TSPAN11: variants seen among roughly 807,000 people sequenced by gnomAD.
TSPAN11 encodes the protein tetraspanin 11.
Under a neutral mutation model 32.9 loss-of-function variants are expected in TSPAN11, and 29 were observed. The ratio of observed to expected loss-of-function variants is 0.88; its 90% CI spans 0.66 to 1.20. TSPAN11 has a LOEUF of 1.20. Among genes scored for constraint, TSPAN11 ranks in the 50% most tolerant of loss-of-function variants. TSPAN11 has a pLI of 0.00. For missense variants in TSPAN11, 283 were observed against 329.1 expected (o/e 0.86, Z 1.08); for synonymous variants, 140 against 141.3 (o/e 0.99, Z 0.07).
chr12:30,982,282 G>C (rs1418585584), intron 5 of TSPAN11, among the ~76,000 whole-genome samples: 1 of 152,182 alleles, frequency 6.6e-6, no homozygotes, highest in African/African-American at 2.4e-5. Context: ...CTCCTTAAAG[G>C]ACTTGGGTGG....
In TSPAN11 at chr12:30,960,176, G is replaced by A. The variant is rs184444629; in HGVS notation, c.85-3650G>A. 5.4e-4 allele frequency among the ~76,000 whole-genome samples: 82 copies of A among 151,944 alleles called. 1 individual carries two copies. In the East Asian group the frequency reaches 0.011, roughly 21 times the overall value. On this transcript the variant is annotated intron_variant, in intron 2 of 7. Transcript: ENST00000546076. ...CGGCGCCATGTATGAGACTGAGCAG[G>A]GAGGAGGAGCACAGATGATGAGTGT...
At chr12:30,946,909 T>G (rs904475068) in intron 1 of TSPAN11, among the ~76,000 whole-genome samples, 1 of 152,302 alleles carries the variant, frequency 6.6e-6, no homozygotes. Context: ...CTGCCTTGCC[T>G]GCCCCCTACT....
At chr12:30,941,787 G>A (rs923158221) in intron 1 of TSPAN11, among the ~76,000 whole-genome samples, 16 of 152,346 alleles carry the variant, frequency 1.1e-4, no homozygotes, top group Admixed American at 6.5e-4. Flanking sequence ...CTGCAGTCCC[G>A]CCTGGGGGCA....
intron 1 of TSPAN11, among the ~76,000 whole-genome samples, chr12:30,948,601 A>G (rs1186958701): frequency 6.6e-6 from 1 of 152,150 alleles, no homozygotes; most frequent in African/African-American, 2.4e-5. Context: ...GAGCAGCTGG[A>G]ACACAGGGCA....
chr12:30,978,634 G>C lies in TSPAN11; in HGVS notation c.350G>C (p.Arg117Thr). The part of the protein sequence containing the change: ...AGVLAHVYYQ[R>T]LSDELKQHLN... ...GTCCTGGCCCATGTGTATTACCAGA[G>C]GGTAAGTGACGTTTCCTCCTCCTGC... Residue 117 changes from arginine (R) to threonine (T), a missense_variant and splice_region_variant, in exon 4 of 8, where the codon AGG becomes ACG. Coordinates refer to ENST00000546076, the MANE Select transcript of TSPAN11 (RefSeq NM_001370302.1). The C allele has an allele frequency of 6.2e-7, 1 of 1,614,146 alleles. No homozygotes were observed. The highest frequency in any genetic ancestry group is 8.5e-7 in the Non-Finnish European group (1 of 1,179,984).
intron 1 of TSPAN11, among the ~76,000 whole-genome samples, chr12:30,952,490 A>G (rs1938401353): frequency 6.6e-6 from 1 of 152,250 alleles, no homozygotes; most frequent in South Asian, 2.1e-4. Context: ...TAGCAGTCTT[A>G]AATTACCTTC....
Position 30,982,595 on chromosome 12 carries a change from G to A in TSPAN11, c.520G>A (p.Glu174Lys), listed in dbSNP as rs762034372. Residue 174 changes from glutamate (E) to lysine (K), a missense_variant, in exon 6 of 8, where the codon GAG becomes AAG. Glu to Lys is a moderately conservative substitution (Grantham distance 56, BLOSUM62 1). Coordinates refer to ENST00000546076, the MANE Select transcript of TSPAN11 (RefSeq NM_001370302.1). ...WQHSTYILLR[E>K]AEGRQVPDSC... is the part of the protein sequence containing the mutation. ...GCACAGCACGTACATCCTGTTGCGG[G>A]AGGCCGAGGGCCGCCAGGTGCCCGA... 23 of 1,613,030 alleles carry A rather than the reference G, an allele frequency of 1.4e-5. No individual in the cohort carries two copies. Among genetic ancestry groups the A allele is most frequent in the Non-Finnish European group, 1.9e-5 (22 of 1,179,846 alleles).
chr12:30,990,678 CAG>C (rs1224648630), intron 7 of TSPAN11, among the ~76,000 whole-genome samples: 1 of 152,168 alleles, frequency 6.6e-6, no homozygotes, highest in Non-Finnish European at 1.5e-5. Context: ...AGCTAGCTGT[CAG>C]AGACAGTACA....
At chr12:31,002,395 T>G in the TSPAN11 span, among the ~76,000 whole-genome samples, 1 of 152,142 alleles carries the variant, frequency 6.6e-6, no homozygotes. The surrounding 1 kb of genome is among the most constrained non-coding windows in gnomAD (Gnocchi z 4.8). Flanking sequence ...GACATAGGGT[T>G]TAGCAATGAC....
chr12:30,957,885 T>G, intron 2 of TSPAN11, among the ~76,000 whole-genome samples: 1 of 135,884 alleles, frequency 7.4e-6, no homozygotes, highest in Non-Finnish European at 1.6e-5. Context: ...CCCTCCTTCC[T>G]TCCTTCCTTC....
At chr12:30,982,414 T>C in intron 5 of TSPAN11, 118 bp from the exon 6 acceptor site, 2 of 1,408,030 alleles carry the variant, frequency 1.4e-6, no homozygotes, top group East Asian at 2.3e-5. Flanking sequence ...AAATACTAAC[T>C]AACCATGGTT....
intron 1 of TSPAN11, among the ~76,000 whole-genome samples, chr12:30,948,041 C>T (rs755406611): frequency 6.6e-6 from 1 of 152,158 alleles, no homozygotes; most frequent in East Asian, 1.9e-4. Flanking sequence ...CATGCAAGTC[C>T]AAAATCCAGC....
chr12:30,978,774 A>G (rs1334226727), intron 4 of TSPAN11, 139 bp downstream of exon 4: 2 of 763,228 alleles, frequency 2.6e-6, no homozygotes, highest in Non-Finnish European at 4.5e-6. Context: ...CAATCCCCCT[A>G]CATATCTGCA....
chr12:30,932,341 C>T (rs1051397482), intron 1 of TSPAN11, among the ~76,000 whole-genome samples: 13 of 152,152 alleles, frequency 8.5e-5, no homozygotes, highest in African/African-American at 3.1e-4. Flanking sequence ...TTAAAAGACT[C>T]TGAGCATTTA....
chr12:30,937,067 G>C (rs959214079), intron 1 of TSPAN11, among the ~76,000 whole-genome samples: 9 of 152,172 alleles, frequency 5.9e-5, no homozygotes. Context: ...GGGGAGAGAA[G>C]GCTTCAAAAG....
intron 1 of TSPAN11, among the ~76,000 whole-genome samples, chr12:30,953,448 G>C (rs1159177656): frequency 6.6e-6 from 1 of 152,080 alleles, no homozygotes; most frequent in Non-Finnish European, 1.5e-5. Flanking sequence ...GTCTGGGCCT[G>C]CTTCCTCATC....
chr12:30,944,621 A>C (rs141525131), intron 1 of TSPAN11, among the ~76,000 whole-genome samples: 3,349 of 152,334 alleles, frequency 0.022, 129 homozygotes, highest in African/African-American at 0.074. Flanking sequence ...TATGGAATCA[A>C]CCTAAGTGTC....
chr12:31,007,873 G>A, the TSPAN11 span, among the ~76,000 whole-genome samples: 1 of 152,214 alleles, frequency 6.6e-6, no homozygotes, highest in African/African-American at 2.4e-5. Context: ...TTGCCCCCAG[G>A]GACCCCACAG....
chr12:30,980,744 C>T (rs903150773), intron 5 of TSPAN11, among the ~76,000 whole-genome samples: 1 of 152,076 alleles, frequency 6.6e-6, no homozygotes, highest in Non-Finnish European at 1.5e-5. Flanking sequence ...AATAGTGGCC[C>T]GGGACACGCA....
Sources: allele counts gnomAD v4.1 joint callset (sites outside exome capture counted in the v4.1 genomes callset), GRCh38; gene constraint gnomAD v4.1.1; non-coding constraint Gnocchi (gnomAD v3.1); transcripts MANE v1.5; gene names NCBI Gene and HGNC (gene_info 2026-07-23, HGNC 2026-07-21).